MINK1: variants seen among roughly 807,000 people sequenced by gnomAD.
MINK1 encodes the protein misshapen like kinase 1.
Under a neutral mutation model 178.4 loss-of-function variants are expected in MINK1, and 46 were observed. That is an observed-to-expected ratio of 0.26 (90% CI 0.20 to 0.33). MINK1 has a LOEUF of 0.33. Among genes scored for constraint, MINK1 ranks in the 10% least tolerant of loss-of-function variants. The pLI is 1.00. For missense variants in MINK1, 1,366 were observed against 1,814.9 expected (o/e 0.75, Z 4.49); for synonymous variants, 797 against 709.7 (o/e 1.12, Z -1.96).
chr17:4,837,833 C>T (rs1458098006), intron 1 of MINK1, among the ~76,000 whole-genome samples: 1 of 152,200 alleles, frequency 6.6e-6, no homozygotes, highest in African/African-American at 2.4e-5. Flanking sequence ...GGAGCACATT[C>T]AAGGAGGACT....
chr17:4,879,139 AT>A (rs796159002), intron 2 of MINK1, among the ~76,000 whole-genome samples: 83 of 125,296 alleles, frequency 6.6e-4, no homozygotes, highest in Middle Eastern at 4.3e-3. Context: ...TGACACTTGG[AT>A]TGGGAGGAGC....
chr17:4,836,515 T>C lies in MINK1; in HGVS notation c.57+2875T>C, dbSNP rs965502281. 2.0e-5 allele frequency among the ~76,000 whole-genome samples: 3 copies of C among 152,164 alleles called. No individual in the cohort carries two copies. Among genetic ancestry groups the C allele is most frequent in the Non-Finnish European group, 4.4e-5 (3 of 68,028 alleles). Reference sequence around the variant, plus strand: ...CAAGTCCTAGTTTCTTCCCTTACAATGTAACCCTGGCCCTGCTCCCCTTAC... The same window carrying C: ...CAAGTCCTAGTTTCTTCCCTTACAACGTAACCCTGGCCCTGCTCCCCTTAC... On this transcript the variant is annotated intron_variant, in intron 1 of 31. Coordinates refer to ENST00000355280, the MANE Select transcript of MINK1 (RefSeq NM_153827.5). The surrounding 1 kb of genome is among the most constrained non-coding windows in gnomAD (Gnocchi z 4.3).
At chr17:4,876,330 A>G (rs1019280655) in intron 1 of MINK1, among the ~76,000 whole-genome samples, 4 of 151,582 alleles carry the variant, frequency 2.6e-5, no homozygotes, top group African/African-American at 7.3e-5. Flanking sequence ...TCTCCAGTGA[A>G]TAAGACAAGT....
intron 1 of MINK1, among the ~76,000 whole-genome samples, chr17:4,849,302 C>G (rs1220181774): frequency 6.6e-6 from 1 of 152,242 alleles, no homozygotes; most frequent in Non-Finnish European, 1.5e-5. Flanking sequence ...GCTCTGGACC[C>G]ACCCAGAGAA....
intron 1 of MINK1, among the ~76,000 whole-genome samples, chr17:4,855,166 G>A (rs1224502963): frequency 6.9e-6 from 1 of 144,326 alleles, no homozygotes; most frequent in Admixed American, 7.3e-5. Context: ...AGTGAGCTGA[G>A]ATTGTGCCAC....
chr17:4,878,253 C>T, intron 1 of MINK1, 64 bp from the exon 2 acceptor site: 1 of 1,435,612 alleles, frequency 7.0e-7, no homozygotes, highest in South Asian at 1.2e-5. Context: ...CACTTTACCC[C>T]CCTCTAGCTC....
rs998867934 is a variant in MINK1 at position 4,875,712 on chromosome 17, C to T, written c.58-2605C>T. Among the ~76,000 whole-genome samples, 7 of 150,244 alleles carry T rather than the reference C, an allele frequency of 4.7e-5. No homozygotes were observed. The South Asian group carries it at 6.5e-4, about 14-fold the overall frequency. On this transcript the variant is annotated intron_variant, in intron 1 of 31. Coordinates refer to ENST00000355280, the MANE Select transcript of MINK1 (RefSeq NM_153827.5). Reference sequence around the variant, plus strand: ...ATTTGAACCCAGGAGGTGGAGGTTGCGGTGAGCCAAGATCGTGCCATTGCA... The same window carrying T: ...ATTTGAACCCAGGAGGTGGAGGTTGTGGTGAGCCAAGATCGTGCCATTGCA...
intron 1 of MINK1, chr17:4,834,707 G>A: frequency 1.9e-6 from 1 of 518,260 alleles, no homozygotes; most frequent in Non-Finnish European, 3.9e-6. Flanking sequence ...GCCAGGTGGT[G>A]TTTTGATCCT....
At chr17:4,889,820 G>A (rs1424914968) in intron 13 of MINK1, 57 bp downstream of exon 13, 28 of 1,161,084 alleles carry the variant, frequency 2.4e-5, no homozygotes, top group East Asian at 3.4e-5. Context: ...GCTGCCTGCC[G>A]CCCCTGCTCC....
chr17:4,840,521 C>T (rs759658824), intron 1 of MINK1, among the ~76,000 whole-genome samples: 5 of 152,050 alleles, frequency 3.3e-5, no homozygotes, highest in Non-Finnish European at 5.9e-5. Flanking sequence ...AGATGTGGCT[C>T]CTCAGAATGG....
intron 17 of MINK1, 78 bp from the exon 18 acceptor site, chr17:4,892,323 CT>C (rs144112230): frequency 6.9e-7 from 1 of 1,439,198 alleles, no homozygotes; most frequent in Non-Finnish European, 9.3e-7. Flanking sequence ...GCCTACCCGC[CT>C]GGGGGTGGGA....
At position 4,896,974 on chromosome 17, in the gene MINK1, C is replaced by T; in HGVS notation, c.3915+161C>T. ...AGCCACTACCACTGCCCTGCGCTCC[C>T]TTCAGATTCCGAGGACTTCCCAGCT... On this transcript the variant is annotated intron_variant, in intron 31 of 31. Transcript: ENST00000355280. This position sits in a 1 kb window ranked among gnomAD's most constrained non-coding sequence, Gnocchi z 4.6. 9.2e-7 allele frequency: 1 copy of T among 1,090,122 alleles called. No individual in the cohort carries two copies. The allele number at this position is 1,090,122 out of a possible 1,614,324, so 67.5% of individuals were successfully genotyped here. A position where few individuals can be genotyped will look rare whatever the true frequency, so the allele number is the denominator to read the frequency against.
At chr17:4,856,380 C>A (rs1386895207) in intron 1 of MINK1, among the ~76,000 whole-genome samples, 1 of 151,994 alleles carries the variant, frequency 6.6e-6, no homozygotes, top group Non-Finnish European at 1.5e-5. Context: ...CTGCCACTTC[C>A]CTGTCTCCAG....
chr17:4,887,267 T>TGG lies in MINK1; in HGVS notation c.1019+92_1019+93dup. 7.5e-7 allele frequency: 1 copy of TGG among 1,326,774 alleles called. No individual in the cohort carries two copies. The highest frequency in any genetic ancestry group is 1.1e-6 in the Non-Finnish European group (1 of 947,166). The allele number at this position is 1,326,774 out of a possible 1,614,324, so 82.2% of individuals were successfully genotyped here. On this transcript the variant is annotated intron_variant, in intron 11 of 31. Transcript: ENST00000355280. This position sits in a 1 kb window ranked among gnomAD's most constrained non-coding sequence, Gnocchi z 7.6. ...TGCTTGGCTTTGGGGACTCTCAGCC[T>TGG]GGGGGTGGTGGGCACAGAGAGGTAG...
intron 1 of MINK1, among the ~76,000 whole-genome samples, chr17:4,873,616 TC>T (rs372624879): frequency 9.1e-6 from 1 of 109,962 alleles, no homozygotes; most frequent in Non-Finnish European, 2.0e-5. Context: ...TTTTTTCTTT[TC>T]TTTTTTTTTT....
Position 4,895,740 on chromosome 17 carries a change from G to C in MINK1, c.3272G>C (p.Arg1091Pro). ...CGGGTGTATTACCTGTCCTGGCTCCGGAACAAGATTCTGCACAATGACCCA... is the reference window on the plus strand; with the variant it reads ...CGGGTGTATTACCTGTCCTGGCTCCCGAACAAGATTCTGCACAATGACCCA... ...KLRVYYLSWL[R>P]NKILHNDPEV... The change falls in exon 27 of 32, where the codon CGG becomes CCG. Residue 1091 changes from arginine to proline, a missense_variant. Coordinates refer to ENST00000355280, the MANE Select transcript of MINK1 (RefSeq NM_153827.5). The surrounding 1 kb of genome is among the most constrained non-coding windows in gnomAD (Gnocchi z 4.3). 1 of 1,613,708 alleles carries C rather than the reference G, an allele frequency of 6.2e-7. No homozygotes were observed.
intron 1 of MINK1, among the ~76,000 whole-genome samples, chr17:4,874,271 G>C (rs1966966745): frequency 6.6e-6 from 1 of 152,224 alleles, no homozygotes; most frequent in Non-Finnish European, 1.5e-5. Context: ...AATGAAATGA[G>C]ATACGATTGC....
chr17:4,870,483 TAAC>T (rs1306992182), intron 1 of MINK1, among the ~76,000 whole-genome samples: 1 of 152,144 alleles, frequency 6.6e-6, no homozygotes, highest in Admixed American at 6.6e-5. Flanking sequence ...TTATTTTTAA[TAAC>T]AGCTTTATTG....
intron 1 of MINK1, among the ~76,000 whole-genome samples, chr17:4,872,175 A>G (rs554740520): frequency 6.6e-6 from 1 of 151,948 alleles, no homozygotes; most frequent in Non-Finnish European, 1.5e-5. Context: ...ACTAAAATAC[A>G]AAAAATTAGC....
Sources: allele counts gnomAD v4.1 joint callset (sites outside exome capture counted in the v4.1 genomes callset), GRCh38; gene constraint gnomAD v4.1.1; non-coding constraint Gnocchi (gnomAD v3.1); transcripts MANE v1.5; gene names NCBI Gene and HGNC (gene_info 2026-07-23, HGNC 2026-07-21).